RBM47: variants seen among roughly 807,000 people sequenced by gnomAD.
RBM47 encodes RNA binding motif protein 47.
A neutral mutation model predicts 47.1 loss-of-function variants in RBM47; 21 were observed. The ratio of observed to expected loss-of-function variants is 0.45; its 90% CI spans 0.32 to 0.64. The LOEUF (loss-of-function observed/expected upper bound fraction) is 0.64, where lower values mean the gene tolerates loss of function less well. Ranked by LOEUF, RBM47 falls within the 30% of genes least tolerant of loss-of-function variation. RBM47 has a pLI of 0.05. For missense variants in RBM47, 708 were observed against 870.9 expected (o/e 0.81, Z 2.35); for synonymous variants, 375 against 361.7 (o/e 1.04, Z -0.42).
chr4:40,484,033 C>T (rs1212430956), intron 2 of RBM47, among the ~76,000 whole-genome samples: 7 of 152,064 alleles, frequency 4.6e-5, no homozygotes, highest in Non-Finnish European at 8.8e-5. Flanking sequence ...TGGTGACACA[C>T]CAGCCACTAA....
intron 1 of RBM47, among the ~76,000 whole-genome samples, chr4:40,572,028 G>GA (rs58162475): frequency 0.58 from 67,942 of 117,948 alleles, 19,911 homozygotes; most frequent in African/African-American, 0.84. Flanking sequence ...ATCTCAAAAA[G>GA]AAAAAAAAAA....
chr4:40,611,737 C>T (rs1736281050), intron 1 of RBM47, among the ~76,000 whole-genome samples: 1 of 142,726 alleles, frequency 7.0e-6, no homozygotes, highest in Non-Finnish European at 1.6e-5. Context: ...TCAAAAAAAA[C>T]AAAAACAAAA....
At chr4:40,536,363 T>G (rs1010457232) in intron 2 of RBM47, among the ~76,000 whole-genome samples, 3 of 152,222 alleles carry the variant, frequency 2.0e-5, no homozygotes, top group Non-Finnish European at 1.5e-5. Flanking sequence ...TCTTGGAAAC[T>G]ACAGGGCTGA....
chr4:40,624,184 G>A (rs1308513263), intron 1 of RBM47, among the ~76,000 whole-genome samples: 2 of 152,096 alleles, frequency 1.3e-5, no homozygotes, highest in Non-Finnish European at 2.9e-5. Context: ...TAATAACCCT[G>A]TGAGGTAGGC....
chr4:40,469,915 G>A (rs1718596554), intron 2 of RBM47, among the ~76,000 whole-genome samples: 1 of 152,132 alleles, frequency 6.6e-6, no homozygotes, highest in Admixed American at 6.5e-5. Flanking sequence ...GGTTACAGGC[G>A]TGAGCCACCA....
Position 40,436,663 on chromosome 4 carries a change from C to CA in RBM47, c.1124-17dup, listed in dbSNP as rs1228406958. 9.3e-6 allele frequency: 15 copies of CA among 1,612,046 alleles called. No homozygotes were observed. Among genetic ancestry groups the CA allele is most frequent in the Non-Finnish European group, 1.3e-5 (15 of 1,178,974 alleles). On this transcript the variant is annotated splice_polypyrimidine_tract_variant and intron_variant, in intron 4 of 6. Transcript: ENST00000295971. ...ATGCTGCCTGCTTGTAATAACAACA[C>CA]AAAAGATGATCAGCAACCAACAGTG...
At chr4:40,555,642 A>G (rs1730009235) in intron 1 of RBM47, among the ~76,000 whole-genome samples, 1 of 152,256 alleles carries the variant, frequency 6.6e-6, no homozygotes, top group African/African-American at 2.4e-5. Context: ...TCACACACCT[A>G]GTAACTGGCA....
intron 3 of RBM47, among the ~76,000 whole-genome samples, chr4:40,465,332 T>C (rs1577701967): frequency 6.6e-6 from 1 of 152,100 alleles, no homozygotes; most frequent in East Asian, 1.9e-4. Context: ...AAGATTATCG[T>C]CCATAGAATA....
At chr4:40,626,127 G>A (rs1737712756) in intron 1 of RBM47, among the ~76,000 whole-genome samples, 1 of 152,136 alleles carries the variant, frequency 6.6e-6, no homozygotes, top group Admixed American at 6.5e-5. Flanking sequence ...ACAAATCGTT[G>A]TTTACATAAA....
chr4:40,584,097 G>A (rs1279141110), intron 1 of RBM47, among the ~76,000 whole-genome samples: 2 of 152,082 alleles, frequency 1.3e-5, no homozygotes, highest in Non-Finnish European at 1.5e-5. Context: ...CAGAGCAGCT[G>A]AGACTACAGG....
At chr4:40,604,873 C>T (rs1373174414) in intron 1 of RBM47, among the ~76,000 whole-genome samples, 4 of 152,246 alleles carry the variant, frequency 2.6e-5, no homozygotes, top group Middle Eastern at 3.4e-3. Flanking sequence ...CACACCACCA[C>T]GCCTGACTAA....
intron 2 of RBM47, among the ~76,000 whole-genome samples, chr4:40,537,262 C>T (rs201239801): frequency 7.0e-6 from 1 of 143,186 alleles, no homozygotes; most frequent in African/African-American, 2.8e-5. Context: ...CAGGGATGCA[C>T]CACCATGCCC....
intron 1 of RBM47, among the ~76,000 whole-genome samples, chr4:40,584,532 T>C (rs56124214): frequency 0.14 from 20,931 of 152,230 alleles, 1,644 homozygotes; most frequent in Admixed American, 0.23. Flanking sequence ...GTAATCAGTA[T>C]AAAAAACTAT....
intron 1 of RBM47, among the ~76,000 whole-genome samples, chr4:40,602,377 CGGT>C (rs1735361417): frequency 6.6e-6 from 1 of 151,620 alleles, no homozygotes; most frequent in Non-Finnish European, 1.5e-5. Flanking sequence ...CGGCCGGGCG[CGGT>C]CGCTCACGCC....
intron 2 of RBM47, among the ~76,000 whole-genome samples, chr4:40,498,679 A>G (rs1170525150): frequency 6.6e-6 from 1 of 150,832 alleles, no homozygotes; most frequent in Non-Finnish European, 1.5e-5. Flanking sequence ...TCAAAAAAAA[A>G]AAAAAAAAAA....
At chr4:40,584,289 C>T (rs746497961) in intron 1 of RBM47, among the ~76,000 whole-genome samples, 7 of 152,232 alleles carry the variant, frequency 4.6e-5, no homozygotes, top group Admixed American at 1.3e-4. Context: ...AAACTGAACA[C>T]GTCACACATC....
In RBM47 at chr4:40,597,712, G is replaced by T. The variant is rs1386033573; in HGVS notation, c.-240+31684C>A. Among the ~76,000 whole-genome samples the T allele has an allele frequency of 2.0e-5, 3 of 152,252 alleles. No homozygotes were observed. The East Asian group carries it at 5.8e-4, about 29-fold the overall frequency. ...AAAACAAAACAATGCACATAAATGT[G>T]CCCAAGTTCATTACCATTTTTTTGC... On this transcript the variant is annotated intron_variant, in intron 1 of 6. Transcript: ENST00000295971.
chr4:40,446,344 T>C (rs1714521078), intron 3 of RBM47, among the ~76,000 whole-genome samples: 1 of 152,134 alleles, frequency 6.6e-6, no homozygotes, highest in Admixed American at 6.5e-5. Context: ...GGAGTCTGAT[T>C]TTCATCATAG....
chr4:40,508,936 G>A (rs932592819), intron 2 of RBM47, among the ~76,000 whole-genome samples: 2 of 152,128 alleles, frequency 1.3e-5, no homozygotes, highest in South Asian at 2.1e-4. Flanking sequence ...CAAGGTGGGC[G>A]GATCACCTGA....
Sources: gnomAD v4.1 joint callset for allele counts (sites outside exome capture counted in the v4.1 genomes callset) on GRCh38, gnomAD v4.1.1 for gene constraint, MANE v1.5 for transcripts, NCBI Gene and HGNC (gene_info 2026-07-23, HGNC 2026-07-21) for gene names.